Variants in AGBL1 observed in about 807,000 individuals in gnomAD.
The protein encoded by AGBL1 is AGBL carboxypeptidase 1.
In AGBL1, 130 loss-of-function variants were observed where a neutral mutation model predicts 118.9. The ratio of observed to expected loss-of-function variants is 1.09; its 90% CI spans 0.95 to 1.26. AGBL1 has a LOEUF of 1.26. AGBL1 is among the 50% of genes most tolerant of loss of function. The probability of loss-of-function intolerance (pLI) is 0.00; values close to 1 mark genes in which losing one functional copy is unlikely to be tolerated. For missense variants in AGBL1, 1,584 were observed against 1,298.1 expected (o/e 1.22, Z -3.38); for synonymous variants, 555 against 478.9 (o/e 1.16, Z -2.08).
chr15:86,675,697 T>C (rs1031890904), intron 22 of AGBL1, among the ~76,000 whole-genome samples: 2 of 152,176 alleles, frequency 1.3e-5, no homozygotes, highest in East Asian at 1.9e-4. Flanking sequence ...TGCCAGCATA[T>C]ATATTTCAAC....
intron 6 of AGBL1, among the ~76,000 whole-genome samples, chr15:86,241,249 C>G (rs1256999335): frequency 6.6e-6 from 1 of 152,054 alleles, no homozygotes; most frequent in Non-Finnish European, 1.5e-5. Context: ...TTTGGCTCTG[C>G]TCATTGGTGA....
intron 22 of AGBL1, among the ~76,000 whole-genome samples, chr15:86,805,586 G>A (rs1359231077): frequency 1.3e-5 from 2 of 152,102 alleles, no homozygotes; most frequent in African/African-American, 2.4e-5. Flanking sequence ...CGAATTGTTT[G>A]GAATGATTTT....
intron 17 of AGBL1, among the ~76,000 whole-genome samples, chr15:86,341,753 C>T (rs59471569): frequency 2.6e-5 from 4 of 152,220 alleles, no homozygotes; most frequent in African/African-American, 7.2e-5. Flanking sequence ...AGGAGGGCCC[C>T]GAACCTTGAT....
chr15:86,526,571 TATACAC>T (rs1328051117), intron 19 of AGBL1, among the ~76,000 whole-genome samples: 121 of 119,172 alleles, frequency 1.0e-3, no homozygotes, highest in Middle Eastern at 9.3e-3. Flanking sequence ...TATATATATA[TATACAC>T]ACAGAGTATA....
chr15:86,703,457 C>A (rs796768721), intron 22 of AGBL1, among the ~76,000 whole-genome samples: 3 of 152,196 alleles, frequency 2.0e-5, no homozygotes, highest in African/African-American at 7.2e-5. Context: ...AATAATAGTA[C>A]TTCTTTTATA....
At chr15:86,989,987 A>G (rs916135865) in intron 24 of AGBL1, among the ~76,000 whole-genome samples, 3 of 152,344 alleles carry the variant, frequency 2.0e-5, no homozygotes, top group Non-Finnish European at 1.5e-5. Flanking sequence ...CTGACCTGAC[A>G]GGTTCTAAAT....
intron 7 of AGBL1, among the ~76,000 whole-genome samples, chr15:86,249,614 A>C (rs1190942758): frequency 6.6e-6 from 1 of 152,086 alleles, no homozygotes; most frequent in Non-Finnish European, 1.5e-5. Flanking sequence ...CCAAGTCTCT[A>C]ATCCCTCCCA....
intron 22 of AGBL1, among the ~76,000 whole-genome samples, chr15:86,717,310 A>C (rs531244255): frequency 6.6e-6 from 1 of 152,234 alleles, no homozygotes; most frequent in East Asian, 1.9e-4. Flanking sequence ...CAGGGGCAAA[A>C]GCAATGGGCT....
At chr15:86,843,680 C>G (rs1366074735) in intron 22 of AGBL1, among the ~76,000 whole-genome samples, 1 of 152,150 alleles carries the variant, frequency 6.6e-6, no homozygotes, top group African/African-American at 2.4e-5. Context: ...AATTTGATGG[C>G]TAGACCTTGA....
At chr15:86,134,259 A>C (rs1219993631) in intron 1 of AGBL1, among the ~76,000 whole-genome samples, 1 of 152,212 alleles carries the variant, frequency 6.6e-6, no homozygotes, top group African/African-American at 2.4e-5. Flanking sequence ...GACCATCTCT[A>C]GTGAGTGTTC....
At chr15:86,887,628 C>A (rs1222294492) in intron 22 of AGBL1, among the ~76,000 whole-genome samples, 3 of 152,124 alleles carry the variant, frequency 2.0e-5, no homozygotes, top group Non-Finnish European at 4.4e-5. Flanking sequence ...AACATAGTCC[C>A]TATAGAGATG....
chr15:86,828,166 A>G (rs2079058021), intron 22 of AGBL1, among the ~76,000 whole-genome samples: 1 of 151,208 alleles, frequency 6.6e-6, no homozygotes, highest in Admixed American at 6.6e-5. Context: ...TGGTCTCAAA[A>G]TCCTGGGCTC....
At chr15:86,730,107 A>G (rs2077507949) in intron 22 of AGBL1, among the ~76,000 whole-genome samples, 2 of 152,170 alleles carry the variant, frequency 1.3e-5, no homozygotes, top group South Asian at 2.1e-4. Context: ...GGACTCTTCC[A>G]TTATATACAA....
intron 22 of AGBL1, among the ~76,000 whole-genome samples, chr15:86,743,741 C>T (rs1042418466): frequency 6.6e-6 from 1 of 152,052 alleles, no homozygotes; most frequent in African/African-American, 2.4e-5. Flanking sequence ...TATCTGAGAG[C>T]TTCTGAATGA....
chr15:86,286,998 A>T (rs558074052), intron 16 of AGBL1, among the ~76,000 whole-genome samples: 1 of 152,184 alleles, frequency 6.6e-6, no homozygotes, highest in South Asian at 2.1e-4. Context: ...AGGGTTCCAG[A>T]TCCTCACCAG....
At chr15:86,870,012 C>T (rs1199057113) in intron 22 of AGBL1, among the ~76,000 whole-genome samples, 2 of 152,148 alleles carry the variant, frequency 1.3e-5, no homozygotes, top group Non-Finnish European at 2.9e-5. Context: ...GCATCAAAGT[C>T]ATATCTCCCT....
intron 21 of AGBL1, among the ~76,000 whole-genome samples, chr15:86,637,188 C>A (rs1321438039): frequency 6.6e-6 from 1 of 151,792 alleles, no homozygotes; most frequent in African/African-American, 2.4e-5. Context: ...AGGACATACA[C>A]AAATATGTAA....
chr15:86,186,147 C>G (rs957913975), intron 5 of AGBL1, among the ~76,000 whole-genome samples: 8 of 151,230 alleles, frequency 5.3e-5, no homozygotes, highest in African/African-American at 1.2e-4. Context: ...GCGTTCTGTT[C>G]TTACTTTTAA....
chr15:86,990,877 G>C (rs996696324), intron 24 of AGBL1, among the ~76,000 whole-genome samples: 2 of 152,124 alleles, frequency 1.3e-5, no homozygotes, highest in African/African-American at 4.8e-5. Context: ...AGGCTGTCTG[G>C]GGCCTCACTT....
Sources: gnomAD v4.1 joint callset for allele counts (sites outside exome capture counted in the v4.1 genomes callset) on GRCh38, gnomAD v4.1.1 for gene constraint, MANE v1.5 for transcripts, NCBI Gene and HGNC (gene_info 2026-07-23, HGNC 2026-07-21) for gene names.